Variants in CENPH observed in about 807,000 individuals in gnomAD.
CENPH encodes CENP-H.
A neutral mutation model predicts 42.9 loss-of-function variants in CENPH; 40 were observed. That is an observed-to-expected ratio of 0.93 (90% CI 0.72 to 1.21). CENPH has a LOEUF of 1.21. CENPH is among the 50% of genes most tolerant of loss of function. The probability of loss-of-function intolerance (pLI) is 0.00; values close to 1 mark genes in which losing one functional copy is unlikely to be tolerated. For synonymous variants in CENPH, 88 were observed against 96.5 expected (o/e 0.91, Z 0.52); for missense variants, 302 against 292.9 (o/e 1.03, Z -0.23).
chr5:69,191,949 G>A, intron 2 of CENPH, 99 bp downstream of exon 2: 1 of 671,892 alleles, frequency 1.5e-6, no homozygotes, highest in East Asian at 2.9e-5. Context: ...TAGTGGCGCA[G>A]TCTCTGGTTT....
intron 7 of CENPH, among the ~76,000 whole-genome samples, chr5:69,205,402 T>C (rs1748135509): frequency 6.6e-6 from 1 of 151,932 alleles, no homozygotes; most frequent in Non-Finnish European, 1.5e-5. Context: ...ATTTTTGTAT[T>C]TTTAGTAGAT....
Position 69,195,768 on chromosome 5 carries a change from G to A in CENPH, c.291G>A (p.Glu97=). Residue 97 remains glutamate (E), a synonymous_variant, in exon 4 of 9, where the codon GAG becomes GAA. Coordinates refer to ENST00000283006, the MANE Select transcript of CENPH (RefSeq NM_022909.4). ...TTGAAGAGGTAAAAGTTGCTTTTGAGATAAAAAAGCTTGCATTAGACAGGT... is the reference window on the plus strand; with the variant it reads ...TTGAAGAGGTAAAAGTTGCTTTTGAAATAAAAAAGCTTGCATTAGACAGGT... ...NEIEEVKVAF[E]IKKLALDRMR... The A allele has an allele frequency of 6.4e-7, 1 of 1,552,140 alleles. No individual in the cohort carries two copies. The highest frequency in any genetic ancestry group is 1.2e-5 in the South Asian group (1 of 84,512).
chr5:69,199,412 G>A (rs781759414), intron 5 of CENPH, among the ~76,000 whole-genome samples: 3 of 152,150 alleles, frequency 2.0e-5, no homozygotes, highest in Admixed American at 6.6e-5. Flanking sequence ...TGAGCTCAAA[G>A]GGATCCACCT....
In CENPH at chr5:69,189,726, C is replaced by T. The variant is rs768271537; in HGVS notation, c.92C>T (p.Ala31Val). Residue 31 changes from alanine (A) to valine (V), a missense_variant, in exon 1 of 9, where the codon GCC becomes GTC. Coordinates refer to ENST00000283006, the MANE Select transcript of CENPH (RefSeq NM_022909.4). ...RAGGPPQVAGAQAACSEDRMT... is the reference protein window; with the variant it reads ...RAGGPPQVAGVQAACSEDRMT... ...GGCGGGCCACCGCAGGTCGCCGGCG[C>T]CCAGGCGGCGTGCAGCGAGGACCGC... 6.4e-7 allele frequency: 1 copy of T among 1,557,734 alleles called. No individual in the cohort carries two copies.
chr5:69,196,415 TG>T (rs1747964990), intron 4 of CENPH, among the ~76,000 whole-genome samples: 3 of 152,130 alleles, frequency 2.0e-5, no homozygotes, highest in African/African-American at 7.2e-5. Flanking sequence ...GAGGCCAAGG[TG>T]GGTGGATCAC....
chr5:69,203,039 CT>C, intron 7 of CENPH, 69 bp downstream of exon 7: 1 of 1,019,514 alleles, frequency 9.8e-7, no homozygotes, highest in Non-Finnish European at 1.5e-6. Context: ...GGCCAGATCT[CT>C]TAGCCACTGA....
At position 69,189,606 on chromosome 5, in the gene CENPH, TGAGTGGTA is replaced by T; in HGVS notation, c.-27_-20del. The T allele has an allele frequency of 6.4e-7, 1 of 1,570,430 alleles. No individual in the cohort carries two copies. The highest frequency in any genetic ancestry group is 8.6e-7 in the Non-Finnish European group (1 of 1,162,316). The stretch of plus-strand genomic sequence containing the variant: ...ACCTTTTCTGAGCGCGTTTGCCTGT[TGAGTGGTA>T]GCCTTTCCCCTCAACCAGCAATGGA... On this transcript the variant is annotated 5_prime_UTR_variant, in exon 1 of 9. Coordinates refer to ENST00000283006, the MANE Select transcript of CENPH (RefSeq NM_022909.4).
At chr5:69,197,277 T>C (rs1480491634) in intron 5 of CENPH, 168 bp downstream of exon 5, 1 of 446,930 alleles carries the variant, frequency 2.2e-6, no homozygotes, top group Non-Finnish European at 4.0e-6. Flanking sequence ...TTTATAGTTC[T>C]AATTATATTT....
At chr5:69,201,577 G>C (rs1338635636) in intron 5 of CENPH, among the ~76,000 whole-genome samples, 1 of 152,180 alleles carries the variant, frequency 6.6e-6, no homozygotes, top group Non-Finnish European at 1.5e-5. Context: ...CAAAGAATGG[G>C]TGGGGCCTCA....
intron 1 of CENPH, among the ~76,000 whole-genome samples, chr5:69,190,891 C>G (rs973237520): frequency 6.5e-5 from 9 of 138,626 alleles, no homozygotes; most frequent in African/African-American, 2.4e-4. Context: ...ACTCTTGACT[C>G]AAAAAAAAAA....
chr5:69,196,146 A>T (rs1265802237), intron 4 of CENPH, among the ~76,000 whole-genome samples: 1 of 151,970 alleles, frequency 6.6e-6, no homozygotes, highest in African/African-American at 2.4e-5. Context: ...CACTGTGCCC[A>T]GGCTGGTCTT....
intron 1 of CENPH, among the ~76,000 whole-genome samples, chr5:69,190,118 C>T (rs568308924): frequency 1.3e-5 from 2 of 152,236 alleles, no homozygotes; most frequent in African/African-American, 4.8e-5. Flanking sequence ...GAAGGTGCCC[C>T]TACCATTTCT....
intron 7 of CENPH, 60 bp downstream of exon 7, chr5:69,203,030 G>A: frequency 8.9e-7 from 1 of 1,122,284 alleles, no homozygotes; most frequent in Non-Finnish European, 1.3e-6. Context: ...GATTGATAAG[G>A]CCAGATCTCT....
At chr5:69,194,248 T>G (rs905006055) in intron 2 of CENPH, among the ~76,000 whole-genome samples, 2 of 151,920 alleles carry the variant, frequency 1.3e-5, no homozygotes, top group Non-Finnish European at 2.9e-5. Context: ...AACCCCAACC[T>G]CGTGGGCTCA....
chr5:69,206,848 G>C (rs1748168222), intron 7 of CENPH, among the ~76,000 whole-genome samples: 3 of 150,138 alleles, frequency 2.0e-5, no homozygotes, highest in East Asian at 2.0e-4. Flanking sequence ...AATAATCTCA[G>C]GGTCATTAGT....
rs748597185 is a variant in CENPH at position 69,209,736 on chromosome 5, G to A, written c.681G>A (p.Trp227Ter). 6.2e-7 allele frequency: 1 copy of A among 1,603,276 alleles called. No individual in the cohort carries two copies. Among genetic ancestry groups the A allele is most frequent in the South Asian group, 1.1e-5 (1 of 89,418 alleles). The change falls in exon 9 of 9, where the codon TGG becomes TGA. Residue 227 changes from tryptophan (W) to a stop codon, truncating the protein, a stop_gained. Coordinates refer to ENST00000283006, the MANE Select transcript of CENPH (RefSeq NM_022909.4). LOFTEE classifies it high-confidence loss of function. ...TTATTTTGGGGAGTAAAGTCAATTG[G>A]GCAGAGGATCCTGCCCTTAAGGAAA... ...QNLILGSKVNWAEDPALKEIV... is the reference protein window; with the variant it reads ...QNLILGSKVN
intron 6 of CENPH, 69 bp downstream of exon 6, chr5:69,202,638 A>G (rs1561323840): frequency 1.1e-6 from 1 of 881,798 alleles, no homozygotes; most frequent in Non-Finnish European, 1.9e-6. Flanking sequence ...TGGTAACTGT[A>G]TTGTATATGA....
chr5:69,194,878 C>T (rs527407813), intron 3 of CENPH, among the ~76,000 whole-genome samples, 183 bp downstream of exon 3: 4 of 151,310 alleles, frequency 2.6e-5, no homozygotes, highest in Non-Finnish European at 4.4e-5. Flanking sequence ...TCCTGAGTAG[C>T]TGGAACTACA....
chr5:69,208,230 A>C lies in CENPH; in HGVS notation c.522A>C (p.Glu174Asp). The C allele has an allele frequency of 6.3e-7, 1 of 1,585,360 alleles. No individual in the cohort carries two copies. Among genetic ancestry groups the C allele is most frequent in the Non-Finnish European group, 8.7e-7 (1 of 1,155,792 alleles). The part of the protein sequence containing the change: ...LKQASESKLL[E>D]IQTEKNKQKI... ...AAGCTTCAGAAAGTAAGCTTTTAGA[A>C]ATACAGACTGAAAAGAACAAACAGA... Residue 174 changes from glutamate (E) to aspartate (D), a missense_variant, in exon 8 of 9, where the codon GAA becomes GAC. Transcript: ENST00000283006.
Sources: gnomAD v4.1 joint callset for allele counts (sites outside exome capture counted in the v4.1 genomes callset) on GRCh38, gnomAD v4.1.1 for gene constraint, MANE v1.5 for transcripts, NCBI Gene and HGNC (gene_info 2026-07-23, HGNC 2026-07-21) for gene names.